The following OCIAD1 variants were observed in gnomAD, a reference collection of about 807,000 sequenced individuals.
OCIAD1 encodes the protein OCIA domain-containing protein 1.
OCIAD1 carries 29 observed loss-of-function variants against 38.9 expected under a neutral mutation model. The ratio of observed to expected loss-of-function variants is 0.74; its 90% CI spans 0.55 to 1.02. The LOEUF (loss-of-function observed/expected upper bound fraction) is 1.02, where lower values mean the gene tolerates loss of function less well. OCIAD1 is among the 50% of genes least tolerant of loss of function. OCIAD1 has a pLI of 0.00. For missense variants in OCIAD1, 288 were observed against 289.6 expected, an observed-to-expected ratio of 0.99 and a Z score of 0.04; for synonymous variants, 110 against 92.0, an observed-to-expected ratio of 1.20 and a Z score of -1.12.
intron 1 of OCIAD1, among the ~76,000 whole-genome samples, chr4:48,810,043 C>T (rs1265858356): frequency 9.9e-5 from 15 of 152,088 alleles, no homozygotes; most frequent in Admixed American, 6.5e-5. Flanking sequence ...TAGTATCCAC[C>T]TCTTATTTTG....
At position 48,818,414 on chromosome 4, in the gene OCIAD1, C is replaced by T. The variant is rs150631475; in HGVS notation, c.-102-12163C>T. ...AGGACCCCCACGTAAAGACTCCATC[C>T]AAAGATCATCAGCCTCAAAGATCAA... On this transcript the variant is annotated intron_variant, in intron 1 of 6. Coordinates refer to the OCIAD1 transcript ENST00000504654. 7.2e-5 allele frequency among the ~76,000 whole-genome samples: 11 copies of T among 152,078 alleles called. No homozygotes were observed. In the East Asian group the frequency reaches 2.1e-3, roughly 29 times the overall value.
chr4:48,818,314 G>A (rs1777161264), intron 1 of OCIAD1, among the ~76,000 whole-genome samples: 1 of 152,210 alleles, frequency 6.6e-6, no homozygotes, highest in Admixed American at 6.5e-5. Flanking sequence ...AGCTGCAGCA[G>A]ACCTGCAGAA....
At chr4:48,840,410 A>T (rs1778409464) in intron 3 of OCIAD1, among the ~76,000 whole-genome samples, 1 of 152,248 alleles carries the variant, frequency 6.6e-6, no homozygotes, top group South Asian at 2.1e-4. Context: ...GCATGAAGGC[A>T]TTCTAACTAG....
chr4:48,819,327 C>G (rs1777168993), intron 1 of OCIAD1, among the ~76,000 whole-genome samples: 1 of 152,088 alleles, frequency 6.6e-6, no homozygotes, highest in Non-Finnish European at 1.5e-5. Context: ...TAACAAAATC[C>G]TATACAGACA....
At chr4:48,839,929 C>T (rs1033323903) in intron 3 of OCIAD1, among the ~76,000 whole-genome samples, 1 of 152,180 alleles carries the variant, frequency 6.6e-6, no homozygotes, top group Admixed American at 6.5e-5. Flanking sequence ...GTTCTGATCT[C>T]AGCATTACCA....
chr4:48,841,794 T>C (rs2109550368), intron 3 of OCIAD1, among the ~76,000 whole-genome samples: 1 of 152,300 alleles, frequency 6.6e-6, no homozygotes, highest in East Asian at 1.9e-4. Flanking sequence ...ATAGCTGTTT[T>C]TAAGTTATAG....
At chr4:48,844,798 G>A (rs1405150028) in intron 4 of OCIAD1, among the ~76,000 whole-genome samples, 1 of 151,976 alleles carries the variant, frequency 6.6e-6, no homozygotes, top group Non-Finnish European at 1.5e-5. Context: ...GATATAAAAC[G>A]GCCTAGTAAA....
chr4:48,848,626 ATCAT>A (rs1485355776), intron 5 of OCIAD1, 180 bp downstream of exon 5: 4 of 403,176 alleles, frequency 9.9e-6, no homozygotes, highest in Admixed American at 4.4e-5. Flanking sequence ...AGCATAAAAA[ATCAT>A]CAGTTGAAAT....
chr4:48,832,529 A>G, intron 1 of OCIAD1, 91 bp from the exon 2 acceptor site: 2 of 891,168 alleles, frequency 2.2e-6, no homozygotes, highest in Non-Finnish European at 3.8e-6. Context: ...TGCTGTGTAG[A>G]CTAGTAGTTT....
In OCIAD1 at chr4:48,808,830, A is replaced by T. The variant is rs933984168; in HGVS notation, c.-103+3500A>T. On this transcript the variant is annotated intron_variant, in intron 1 of 6. Coordinates refer to the OCIAD1 transcript ENST00000504654. ...TCAGCACATCCAGCACTCAGCTGAT[A>T]TACTTCTCTCCCTCAATCAAAATTT... 4.6e-5 allele frequency among the ~76,000 whole-genome samples: 7 copies of T among 152,318 alleles called. 1 individual carries two copies. The highest frequency in any genetic ancestry group is 6.8e-3 in the Middle Eastern group (2 of 294).
chr4:48,848,643 G>T, intron 5 of OCIAD1, 197 bp downstream of exon 5: 1 of 379,076 alleles, frequency 2.6e-6, no homozygotes. Context: ...GTTGAAATAG[G>T]CATTTTTTTG....
intron 1 of OCIAD1, among the ~76,000 whole-genome samples, chr4:48,823,899 T>A (rs1363787384): frequency 7.7e-6 from 1 of 130,056 alleles, no homozygotes; most frequent in Non-Finnish European, 1.6e-5. Context: ...ACTCCTGGCC[T>A]CATGTGATCC....
At chr4:48,850,594 A>G (rs1321285598) in intron 6 of OCIAD1, among the ~76,000 whole-genome samples, 1 of 151,896 alleles carries the variant, frequency 6.6e-6, no homozygotes, top group Non-Finnish European at 1.5e-5. Context: ...TTGTTTTGAG[A>G]CAGAGTTTCA....
At chr4:48,837,963 A>G (rs1474046548) in intron 3 of OCIAD1, among the ~76,000 whole-genome samples, 2 of 152,216 alleles carry the variant, frequency 1.3e-5, no homozygotes, top group Non-Finnish European at 2.9e-5. Flanking sequence ...GACATGTGGT[A>G]TATGAACAGT....
chr4:48,826,422 C>T (rs181374849), upstream of OCIAD1, among the ~76,000 whole-genome samples: 319 of 152,182 alleles, frequency 2.1e-3, no homozygotes, highest in Non-Finnish European at 3.5e-3. Context: ...TCTGTCCTTG[C>T]GATAGTTTGC....
intron 4 of OCIAD1, among the ~76,000 whole-genome samples, chr4:48,846,302 T>G (rs1411783453): frequency 6.6e-6 from 1 of 152,238 alleles, no homozygotes; most frequent in African/African-American, 2.4e-5. Flanking sequence ...GTTTTTGTAC[T>G]TTAATTACAT....
chr4:48,858,399 G>T (rs1434445032), intron 8 of OCIAD1, among the ~76,000 whole-genome samples: 2 of 152,062 alleles, frequency 1.3e-5, no homozygotes. Flanking sequence ...GAATGATTGA[G>T]TAATGAGATT....
At chr4:48,850,138 T>A in intron 6 of OCIAD1, 56 bp downstream of exon 6, 1 of 1,567,746 alleles carries the variant, frequency 6.4e-7, no homozygotes, top group Non-Finnish European at 8.7e-7. Flanking sequence ...AACAACTAGA[T>A]GTTGCTATAA....
intron 1 of OCIAD1, among the ~76,000 whole-genome samples, chr4:48,812,086 C>A (rs1443716047): frequency 6.6e-6 from 1 of 151,256 alleles, no homozygotes; most frequent in Admixed American, 6.6e-5. Context: ...AGTTCAAGAC[C>A]AGCCTGGCCA....
Sources: allele counts gnomAD v4.1 joint callset (sites outside exome capture counted in the v4.1 genomes callset), GRCh38; gene constraint gnomAD v4.1.1; transcripts MANE v1.5; gene names NCBI Gene and HGNC (gene_info 2026-07-23, HGNC 2026-07-21).